Variants in IRAK2 observed in about 807,000 individuals in gnomAD.
The protein encoded by IRAK2 is interleukin-1 receptor-associated kinase-like 2.
A neutral mutation model predicts 72.0 loss-of-function variants in IRAK2; 57 were observed. That is an observed-to-expected ratio of 0.79 (90% CI 0.64 to 0.99). IRAK2 has a LOEUF of 0.99. Among genes scored for constraint, IRAK2 ranks in the 50% least tolerant of loss-of-function variants. The pLI is 0.00. For synonymous variants in IRAK2, 293 were observed against 312.7 expected (o/e 0.94, Z 0.67); for missense variants, 790 against 794.4 (o/e 0.99, Z 0.07).
chr3:10,204,851 G>T (rs1161594131), intron 3 of IRAK2, among the ~76,000 whole-genome samples: 1 of 152,038 alleles, frequency 6.6e-6, no homozygotes, highest in Non-Finnish European at 1.5e-5. Context: ...CTAAGTCCTG[G>T]CACTTGATCT....
In IRAK2 at chr3:10,216,751, G is replaced by A. The variant is rs11465900; in HGVS notation, c.789-183G>A. ...AAGCAGGATGAGGACCACCATACTC[G>A]TTGAAGGCAGACAGTTTTCATCTTT... On this transcript the variant is annotated intron_variant, in intron 6 of 12. Coordinates refer to ENST00000256458, the MANE Select transcript of IRAK2 (RefSeq NM_001570.4). Among the ~76,000 whole-genome samples, 793 of 152,262 alleles carry A rather than the reference G, an allele frequency of 5.2e-3. 8 individuals are homozygous for A. Among genetic ancestry groups the A allele is most frequent in the African/African-American group, 0.018 (734 of 41,560 alleles).
chr3:10,185,978 AGGAGGCAGAGATTGTTG>A (rs1219726140), intron 2 of IRAK2, among the ~76,000 whole-genome samples: 4 of 151,784 alleles, frequency 2.6e-5, no homozygotes, highest in Admixed American at 6.5e-5. Flanking sequence ...CTCTTGAACC[AGGAGGCAGAGATTGTTG>A]GGAGGCAGAG....
intron 1 of IRAK2, among the ~76,000 whole-genome samples, chr3:10,168,179 A>G (rs978568247): frequency 2.6e-5 from 4 of 151,388 alleles, no homozygotes; most frequent in Non-Finnish European, 5.9e-5. Flanking sequence ...ATTTCTCCAC[A>G]TCCTTGTCAA....
rs751436368 is a variant in IRAK2, at chr3:10,222,744, G to T, written c.1122G>T (p.Leu374=). 2 of 1,614,196 alleles carry T rather than the reference G, an allele frequency of 1.2e-6. No individual in the cohort carries two copies. The highest frequency in any genetic ancestry group is 1.7e-6 in the Non-Finnish European group (2 of 1,180,032). The stretch of plus-strand genomic sequence containing the variant: ...AATACACCATGATGAAGACTCACCT[G>T]CTCCGGACGTCAGCCGCGTATCTGC... ...RSKYTMMKTH[L]LRTSAAYLPE... The change falls in exon 9 of 13, where the codon CTG becomes CTT. Residue 374 remains leucine, a synonymous_variant. Coordinates refer to ENST00000256458, the MANE Select transcript of IRAK2 (RefSeq NM_001570.4).
intron 2 of IRAK2, among the ~76,000 whole-genome samples, chr3:10,181,849 TC>T (rs1160487299): frequency 1.3e-5 from 2 of 152,202 alleles, no homozygotes; most frequent in African/African-American, 4.8e-5. Flanking sequence ...TATGTAATCC[TC>T]TTCACTTTTC....
At chr3:10,194,375 G>T (rs1697231956) in intron 2 of IRAK2, among the ~76,000 whole-genome samples, 1 of 152,218 alleles carries the variant, frequency 6.6e-6, no homozygotes, top group South Asian at 2.1e-4. Flanking sequence ...ATTTAATCCT[G>T]GGAGGAAAGA....
intron 4 of IRAK2, among the ~76,000 whole-genome samples, chr3:10,211,452 A>C (rs146035796): frequency 1 from 152,161 of 152,166 alleles, 76,078 homozygotes; most frequent in Middle Eastern, 1. Flanking sequence ...CCTCGCCAAA[A>C]AAAAAAGTTT....
rs1217035332 is a variant in IRAK2 at position 10,168,776 on chromosome 3, C to T, written c.94+3728C>T. ...TCCTCTTCTTCCACACCCACTGTCACTCCCCTGCTCCAGCCACACTGACCT... is the reference window on the plus strand; with the variant it reads ...TCCTCTTCTTCCACACCCACTGTCATTCCCCTGCTCCAGCCACACTGACCT... On this transcript the variant is annotated intron_variant, in intron 1 of 12. Transcript: ENST00000256458. Among the ~76,000 whole-genome samples, 4 of 152,180 alleles carry T rather than the reference C, an allele frequency of 2.6e-5. No homozygotes were observed. The East Asian group carries it at 5.8e-4, about 22-fold the overall frequency.
chr3:10,223,509 G>T (rs1038798069), intron 9 of IRAK2, among the ~76,000 whole-genome samples: 53 of 152,234 alleles, frequency 3.5e-4, no homozygotes, highest in African/African-American at 1.3e-3. Context: ...GGATTGATGT[G>T]TTAAAAGGGT....
At chr3:10,224,670 ACCCT>A (rs2125160738) in intron 9 of IRAK2, among the ~76,000 whole-genome samples, 1 of 140,060 alleles carries the variant, frequency 7.1e-6, no homozygotes, top group African/African-American at 2.7e-5. Context: ...CCATCCATTC[ACCCT>A]CCCACCTATC....
chr3:10,201,074 T>C (rs1438179072), intron 3 of IRAK2, among the ~76,000 whole-genome samples: 2 of 152,226 alleles, frequency 1.3e-5, no homozygotes, highest in African/African-American at 4.8e-5. Flanking sequence ...ATATAACATC[T>C]GTTACCATTT....
intron 12 of IRAK2, among the ~76,000 whole-genome samples, chr3:10,241,566 G>GATAAATAAATAAATAAATAAATAAATAA (rs61019391): frequency 7.6e-6 from 1 of 131,740 alleles, no homozygotes; most frequent in African/African-American, 2.9e-5. Context: ...CTCAACAAAT[G>GATAAATAAATAAATAAATAAATAAATAA]ATAAATAAAT....
intron 2 of IRAK2, among the ~76,000 whole-genome samples, chr3:10,191,434 C>T (rs758163614): frequency 4.6e-5 from 7 of 152,180 alleles, no homozygotes; most frequent in Non-Finnish European, 1.0e-4. Context: ...AGGGCGCTTA[C>T]AGTAAGGTTC....
chr3:10,195,449 G>A (rs1461954795), intron 2 of IRAK2, among the ~76,000 whole-genome samples: 2 of 152,100 alleles, frequency 1.3e-5, no homozygotes, highest in Non-Finnish European at 2.9e-5. Flanking sequence ...CGGCATGGGA[G>A]GCTAAGAGAG....
Position 10,216,954 on chromosome 3 carries a change from T to C in IRAK2, c.809T>C (p.Leu270Ser), listed in dbSNP as rs747827219. The C allele has an allele frequency of 1.4e-5, 23 of 1,613,994 alleles. No homozygotes were observed. The East Asian group carries it at 5.1e-4, about 36-fold the overall frequency. The change falls in exon 7 of 13, where the codon TTA (leucine) becomes TCA (serine). Residue 270 changes from leucine (L) to serine (S), a missense_variant. By Grantham distance (145) the Leu-to-Ser change is moderately radical. Transcript: ENST00000256458. ...ICLRCCHPNV[L>S]PVLGFCAARQ... ...TCCAGATGCTGCCACCCCAATGTCT[T>C]ACCTGTGCTGGGCTTCTGTGCTGCA...
intron 10 of IRAK2, among the ~76,000 whole-genome samples, chr3:10,233,919 G>A (rs973464992): frequency 3.3e-5 from 5 of 152,050 alleles, no homozygotes; most frequent in Non-Finnish European, 7.4e-5. Flanking sequence ...CGTGATCTCA[G>A]CTCATTGCAG....
At chr3:10,173,388 G>A (rs1487121571) in intron 1 of IRAK2, among the ~76,000 whole-genome samples, 1 of 152,116 alleles carries the variant, frequency 6.6e-6, no homozygotes, top group African/African-American at 2.4e-5. Context: ...ATAATCATGG[G>A]GACTTTCATT....
chr3:10,209,487 T>TG, intron 3 of IRAK2, 102 bp from the exon 4 acceptor site: 1 of 650,816 alleles, frequency 1.5e-6, no homozygotes, highest in Non-Finnish European at 2.5e-6. Flanking sequence ...AACAAGTGTT[T>TG]GGGGAGTGAA....
At chr3:10,177,733 T>C (rs1183877021) in intron 1 of IRAK2, 105 bp from the exon 2 acceptor site, 12 of 1,102,162 alleles carry the variant, frequency 1.1e-5, no homozygotes, top group Non-Finnish European at 1.6e-5. Context: ...GAGGCGGTGG[T>C]TGGGGAGGAT....
Sources: gnomAD v4.1 joint callset for allele counts (sites outside exome capture counted in the v4.1 genomes callset) on GRCh38, gnomAD v4.1.1 for gene constraint, MANE v1.5 for transcripts, NCBI Gene and HGNC (gene_info 2026-07-23, HGNC 2026-07-21) for gene names.